Variants in FRAS1 observed in about 807,000 individuals in gnomAD.
FRAS1 encodes the protein extracellular matrix organizing protein FRAS1.
FRAS1 carries 290 observed loss-of-function variants against 435.2 expected under a neutral mutation model. The ratio of observed to expected loss-of-function variants is 0.67; its 90% CI spans 0.61 to 0.73. FRAS1 has a LOEUF of 0.73. Among genes scored for constraint, FRAS1 ranks in the 30% least tolerant of loss-of-function variants. FRAS1 has a pLI of 0.00. For missense variants in FRAS1, 4,860 were observed against 5,001.5 expected, an observed-to-expected ratio of 0.97 and a Z score of 0.85; for synonymous variants, 1,800 against 1,851.0, an observed-to-expected ratio of 0.97 and a Z score of 0.71.
At chr4:78,232,904 T>C (rs1026932141) in intron 2 of FRAS1, among the ~76,000 whole-genome samples, 2 of 152,226 alleles carry the variant, frequency 1.3e-5, no homozygotes, top group Non-Finnish European at 2.9e-5. Flanking sequence ...CATAGTCTGC[T>C]GGGAAGACAG....
chr4:78,266,327 G>A (rs1726353860), intron 7 of FRAS1, among the ~76,000 whole-genome samples: 1 of 152,198 alleles, frequency 6.6e-6, no homozygotes, highest in African/African-American at 2.4e-5. Context: ...ACTAAAGGTT[G>A]GTAGAAGAGA....
chr4:78,487,749 A>C (rs544767271), intron 58 of FRAS1, among the ~76,000 whole-genome samples: 46 of 152,304 alleles, frequency 3.0e-4, no homozygotes, highest in Middle Eastern at 6.8e-3. Flanking sequence ...CCATGCATTT[A>C]TTATCTCATT....
At chr4:78,312,445 T>C (rs1729065421) in intron 15 of FRAS1, among the ~76,000 whole-genome samples, 1 of 152,032 alleles carries the variant, frequency 6.6e-6, no homozygotes, top group Admixed American at 6.6e-5. Context: ...TGTCTCAATA[T>C]CTGATTGGGA....
Position 78,541,135 on chromosome 4 carries a change from C to T in FRAS1, c.*11C>T. 7.6e-7 allele frequency: 1 copy of T among 1,314,946 alleles called. No homozygotes were observed. The highest frequency in any genetic ancestry group is 9.9e-7 in the Non-Finnish European group (1 of 1,012,528). 81.5% of individuals were successfully genotyped at this position (1,314,946 alleles called of 1,614,324 possible). ...GGAACAGAAGTTTAATGGAGGAGACCTATGTGTATTTTTTTCTAAAATCAT... is the reference window on the plus strand; with the variant it reads ...GGAACAGAAGTTTAATGGAGGAGACTTATGTGTATTTTTTTCTAAAATCAT... On this transcript the variant is annotated 3_prime_UTR_variant, in exon 74 of 74. Transcript: ENST00000512123.
intron 2 of FRAS1, among the ~76,000 whole-genome samples, chr4:78,177,849 T>G (rs571246744): frequency 6.6e-6 from 1 of 152,324 alleles, no homozygotes; most frequent in Non-Finnish European, 1.5e-5. Context: ...ACGCTGTTGA[T>G]CCTCAGTTTC....
chr4:78,383,612 A>G (rs937756122), intron 27 of FRAS1, among the ~76,000 whole-genome samples: 5 of 152,156 alleles, frequency 3.3e-5, no homozygotes, highest in Non-Finnish European at 7.3e-5. Context: ...AAATGTTGTT[A>G]CTAGGGGCCC....
intron 2 of FRAS1, among the ~76,000 whole-genome samples, chr4:78,225,508 T>C (rs940894681): frequency 2.0e-5 from 3 of 152,058 alleles, no homozygotes; most frequent in African/African-American, 7.3e-5. Flanking sequence ...CTATAGTATG[T>C]TCCCTCTCTA....
At chr4:78,076,377 T>C (rs1740641068) in intron 2 of FRAS1, among the ~76,000 whole-genome samples, 1 of 152,210 alleles carries the variant, frequency 6.6e-6, no homozygotes, top group Non-Finnish European at 1.5e-5. Context: ...GGTGATGTAA[T>C]CTTTTTTCTT....
chr4:78,059,122 G>A (rs1489924061), intron 1 of FRAS1, among the ~76,000 whole-genome samples: 1 of 152,188 alleles, frequency 6.6e-6, no homozygotes, highest in Admixed American at 6.5e-5. Flanking sequence ...GGGCGGCGGC[G>A]GCGGGCGCAG....
Position 78,430,292 on chromosome 4 carries a change from G to A in FRAS1, c.4844G>A (p.Gly1615Glu), listed in dbSNP as rs1363670111. ...AVSPGGSTSVGLQVVVRDAET... is the reference protein window; with the variant it reads ...AVSPGGSTSVELQVVVRDAET... The stretch of plus-strand genomic sequence containing the variant: ...CCACGCTTCCTTCTCCTTGCTGCAG[G>A]ACTTCAGGTGGTAGTAAGAGATGCT... Residue 1615 changes from glycine (G) to glutamate (E), a missense_variant and splice_region_variant, in exon 37 of 74, where the codon GGA becomes GAA. By Grantham distance (98) the Gly-to-Glu change is moderately conservative (BLOSUM62 -2). Transcript: ENST00000512123. 1.2e-6 allele frequency: 2 copies of A among 1,613,828 alleles called. No homozygotes were observed. Among genetic ancestry groups the A allele is most frequent in the South Asian group, 2.2e-5 (2 of 91,076 alleles).
intron 73 of FRAS1, 65 bp downstream of exon 73, chr4:78,539,505 AAAAAG>A (rs1222233588): frequency 8.0e-6 from 11 of 1,375,960 alleles, no homozygotes; most frequent in Admixed American, 2.4e-5. Context: ...AAAAAAAAAA[AAAAAG>A]AAGGAGGACT....
intron 32 of FRAS1, among the ~76,000 whole-genome samples, chr4:78,414,668 A>G (rs554029119): frequency 2.6e-4 from 40 of 152,314 alleles, no homozygotes; most frequent in Admixed American, 2.3e-3. Context: ...AAATAACTAT[A>G]TGGCATATTT....
chr4:78,161,932 T>G (rs1324883879), intron 2 of FRAS1, among the ~76,000 whole-genome samples: 1 of 152,026 alleles, frequency 6.6e-6, no homozygotes, highest in African/African-American at 2.4e-5. Flanking sequence ...TTGAGGCTAT[T>G]CATAGAAAGC....
rs1489438023 is a variant in FRAS1 at position 78,267,498 on chromosome 4, T to C, written c.981+66T>C. The C allele has an allele frequency of 2.7e-6, 4 of 1,460,114 alleles. No homozygotes were observed. The East Asian group carries it at 9.6e-5, about 35-fold the overall frequency. 90.4% of individuals were successfully genotyped at this position (1,460,114 alleles called of 1,614,324 possible). ...TTTCCAACGGGATAGTGAGGGGTCC[T>C]GCCTGTTCTTTACTTCTTGGCAGCA... is the stretch of plus-strand genomic sequence containing the variant. On this transcript the variant is annotated intron_variant, in intron 9 of 73. Transcript: ENST00000512123.
chr4:78,534,322 A>C, intron 70 of FRAS1, 127 bp from the exon 71 acceptor site: 1 of 671,154 alleles, frequency 1.5e-6, no homozygotes, highest in South Asian at 2.3e-5. Flanking sequence ...TATTCAGTGA[A>C]TATTTAGTGC....
chr4:78,386,958 G>C (rs2110329146), intron 28 of FRAS1, among the ~76,000 whole-genome samples: 1 of 152,248 alleles, frequency 6.6e-6, no homozygotes, highest in South Asian at 2.1e-4. Flanking sequence ...ATGAGCTCAG[G>C]ATGCAAAAGT....
intron 61 of FRAS1, among the ~76,000 whole-genome samples, chr4:78,504,776 G>A (rs1720783103): frequency 6.6e-6 from 1 of 152,154 alleles, no homozygotes; most frequent in African/African-American, 2.4e-5. Flanking sequence ...TATGATATTA[G>A]CTGGTTATTT....
intron 20 of FRAS1, among the ~76,000 whole-genome samples, chr4:78,354,018 T>TAAAAAAAAAAAAA (rs1730744898): frequency 4.0e-4 from 3 of 7,570 alleles, no homozygotes; most frequent in African/African-American, 1.7e-3. Context: ...AAAAAAAAAA[T>TAAAAAAAAAAAAA]AAAATAAAAA....
chr4:78,445,906 A>G, intron 42 of FRAS1, 194 bp downstream of exon 42: 3 of 1,329,362 alleles, frequency 2.3e-6, no homozygotes, highest in South Asian at 2.6e-5. Context: ...TGAGTTAGAA[A>G]TCTAAATTTC....
Sources: allele counts gnomAD v4.1 joint callset (sites outside exome capture counted in the v4.1 genomes callset), GRCh38; gene constraint gnomAD v4.1.1; transcripts MANE v1.5; gene names NCBI Gene and HGNC (gene_info 2026-07-23, HGNC 2026-07-21).